Variants in MCPH1 observed in about 807,000 individuals in gnomAD.
MCPH1 encodes the protein microcephalin.
MCPH1 carries 104 observed loss-of-function variants against 84.5 expected under a neutral mutation model. The observed-to-expected ratio is 1.23, with a 90% CI of 1.05 to 1.45. MCPH1 has a LOEUF of 1.45. MCPH1 is among the 40% of genes most tolerant of loss of function. MCPH1 has a pLI of 0.00. For missense variants in MCPH1, 1,498 were observed against 1,005.7 expected (o/e 1.49, Z -6.62); for synonymous variants, 514 against 366.8 (o/e 1.40, Z -4.58).
intron 13 of MCPH1, chr8:6,627,076 A>T (rs1796783343): frequency 1.0e-6 from 1 of 985,188 alleles, no homozygotes; most frequent in Admixed American, 6.1e-5. Context: ...TGTTTTCAGG[A>T]AAAAGATCCG....
chr8:6,408,919 C>A (rs1216794242), intron 1 of MCPH1, among the ~76,000 whole-genome samples: 1 of 150,736 alleles, frequency 6.6e-6, no homozygotes, highest in Non-Finnish European at 1.5e-5. Flanking sequence ...CGGGTCTCGC[C>A]CTGTCACCCA....
intron 1 of MCPH1, among the ~76,000 whole-genome samples, 158 bp from the exon 2 acceptor site, chr8:6,409,121 G>T (rs532844131): frequency 3.9e-5 from 6 of 152,100 alleles, no homozygotes; most frequent in African/African-American, 1.4e-4. Context: ...CCCTGACTTC[G>T]TGGATCCACC....
chr8:6,606,738 C>A (rs957396348), intron 12 of MCPH1, among the ~76,000 whole-genome samples: 1 of 152,250 alleles, frequency 6.6e-6, no homozygotes, highest in African/African-American at 2.4e-5. Flanking sequence ...ACCCAAATCT[C>A]ATCTTGAGTT....
intron 12 of MCPH1, chr8:6,502,749 A>C (rs569665273): frequency 3.5e-6 from 1 of 288,020 alleles, no homozygotes; most frequent in South Asian, 4.6e-5. Context: ...ATTGTATAAC[A>C]TAAGTGTTCT....
At chr8:6,523,945 A>G (rs985446555) in intron 12 of MCPH1, among the ~76,000 whole-genome samples, 1 of 151,278 alleles carries the variant, frequency 6.6e-6, no homozygotes, top group Non-Finnish European at 1.5e-5. Context: ...CTGACACTAC[A>G]TTATTCAGCA....
Position 6,582,338 on chromosome 8 carries a change from A to G in MCPH1, c.2215-39116A>G, listed in dbSNP as rs570353423. On this transcript the variant is annotated intron_variant, in intron 12 of 13. Coordinates refer to ENST00000344683, the MANE Select transcript of MCPH1 (RefSeq NM_024596.5). ...TCAATCCTCATAGTAACTCTTCAACATAGGTAGCCTTATTTTGCAGTTGAG... is the reference window on the plus strand; with the variant it reads ...TCAATCCTCATAGTAACTCTTCAACGTAGGTAGCCTTATTTTGCAGTTGAG... Among the ~76,000 whole-genome samples the G allele has an allele frequency of 3.0e-4, 45 of 152,326 alleles. No homozygotes were observed. The South Asian group carries it at 9.1e-3, about 31-fold the overall frequency.
intron 2 of MCPH1, among the ~76,000 whole-genome samples, chr8:6,410,567 G>C (rs991211782): frequency 1.3e-5 from 2 of 152,096 alleles, no homozygotes; most frequent in African/African-American, 4.8e-5. Context: ...GCCTCTATTT[G>C]ACTTAATAAT....
intron 12 of MCPH1, among the ~76,000 whole-genome samples, chr8:6,536,467 A>G (rs1458636142): frequency 1.3e-5 from 2 of 152,154 alleles, no homozygotes; most frequent in African/African-American, 4.8e-5. Flanking sequence ...AGGCTTCACA[A>G]TGCCTTAAGA....
intron 12 of MCPH1, among the ~76,000 whole-genome samples, chr8:6,521,935 A>C (rs2515444): frequency 0.07 from 10,688 of 152,294 alleles, 456 homozygotes; most frequent in African/African-American, 0.11. Flanking sequence ...AGACTCAAGT[A>C]CTGGCTTACC....
rs1253709766 is a variant in MCPH1 at position 6,410,159 on chromosome 8, A to G, written c.114+789A>G. ...TAATTTTTTTTTTTGTATTTTTAGT[A>G]AAGACGGGGTTTCACCATGTTGGCC... On this transcript the variant is annotated intron_variant, in intron 2 of 13. Transcript: ENST00000344683. 5.9e-5 allele frequency among the ~76,000 whole-genome samples: 9 copies of G among 151,586 alleles called. No homozygotes were observed. The East Asian group carries it at 1.6e-3, about 26-fold the overall frequency.
intron 12 of MCPH1, among the ~76,000 whole-genome samples, chr8:6,506,529 G>C (rs930644767): frequency 2.0e-5 from 3 of 152,188 alleles, no homozygotes; most frequent in Non-Finnish European, 4.4e-5. Flanking sequence ...CCTTCTCAAG[G>C]AGAGAGCTGG....
chr8:6,511,966 C>G (rs186825146), intron 12 of MCPH1, among the ~76,000 whole-genome samples: 332 of 148,080 alleles, frequency 2.2e-3, no homozygotes, highest in Non-Finnish European at 3.6e-3. Flanking sequence ...AAATATTTAA[C>G]TTGGAGGTAA....
chr8:6,477,860 C>T (rs752131271), intron 10 of MCPH1, among the ~76,000 whole-genome samples: 31 of 152,302 alleles, frequency 2.0e-4, no homozygotes, highest in South Asian at 6.2e-4. Context: ...GGTGTGTGCT[C>T]GTTTTGGTGT....
intron 12 of MCPH1, among the ~76,000 whole-genome samples, chr8:6,522,308 T>TCC (rs1563339098): frequency 1.3e-5 from 2 of 151,088 alleles, no homozygotes; most frequent in Non-Finnish European, 2.9e-5. Flanking sequence ...TGAGCTGAGA[T>TCC]CATGCCACTG....
chr8:6,487,175 C>G (rs1237464784), intron 11 of MCPH1, among the ~76,000 whole-genome samples: 3 of 152,166 alleles, frequency 2.0e-5, no homozygotes, highest in African/African-American at 7.2e-5. Context: ...GGCTTAAAAG[C>G]TAAATCAGCT....
At chr8:6,505,966 TAC>T (rs528350928) in intron 12 of MCPH1, among the ~76,000 whole-genome samples, 4 of 1,662 alleles carry the variant, frequency 2.4e-3, no homozygotes. Flanking sequence ...TATAAAAACA[TAC>T]ATATTCTTTG....
Position 6,644,709 on chromosome 8 carries a change from A to T in MCPH1, c.*1660A>T, listed in dbSNP as rs1433984912. On this transcript the variant is annotated 3_prime_UTR_variant, in exon 14 of 14. Transcript: ENST00000344683. ...AGGTCGGAGGTGCCACTGAGCCCTC[A>T]TCGTGGTGCCGTTCCCGCTCTGGGT... 1 of 152,236 alleles carries T rather than the reference A, an allele frequency of 6.6e-6. No individual in the cohort carries two copies. The highest frequency in any genetic ancestry group is 1.5e-5 in the Non-Finnish European group (1 of 68,044). 9.4% of individuals were successfully genotyped at this position (152,236 alleles called of 1,614,324 possible).
rs763881518 is a variant in MCPH1 at position 6,445,350 on chromosome 8, C to G, written c.1628C>G (p.Thr543Ser). 80 of 1,614,098 alleles carry G rather than the reference C, an allele frequency of 5.0e-5. No homozygotes were observed. Among genetic ancestry groups the G allele is most frequent in the Non-Finnish European group, 6.7e-5 (79 of 1,180,050 alleles). ...ALPKGHDDDLTPLEGSLEEMK... is the reference protein window; with the variant it reads ...ALPKGHDDDLSPLEGSLEEMK... ...CCAAAAGGACATGATGATGATTTAACTCCTTTGGAAGGAAGCCTTGAAGAA... is the reference window on the plus strand; with the variant it reads ...CCAAAAGGACATGATGATGATTTAAGTCCTTTGGAAGGAAGCCTTGAAGAA... The change falls in exon 8 of 14, where the codon ACT becomes AGT. Residue 543 changes from threonine to serine, a missense_variant. By Grantham distance (58) the Thr-to-Ser change is moderately conservative. Coordinates refer to ENST00000344683, the MANE Select transcript of MCPH1 (RefSeq NM_024596.5).
At chr8:6,498,011 T>C (rs1387722386) in intron 11 of MCPH1, among the ~76,000 whole-genome samples, 2 of 152,072 alleles carry the variant, frequency 1.3e-5, no homozygotes, top group African/African-American at 4.8e-5. Flanking sequence ...TCCAGTGCAA[T>C]AAGGGGGAAA....
Sources: gnomAD v4.1 joint callset for allele counts (sites outside exome capture counted in the v4.1 genomes callset) on GRCh38, gnomAD v4.1.1 for gene constraint, MANE v1.5 for transcripts, NCBI Gene and HGNC (gene_info 2026-07-23, HGNC 2026-07-21) for gene names.